Variants in CMSS1 observed in about 807,000 individuals in gnomAD.
CMSS1 encodes cms1 ribosomal small subunit homolog, also known as protein CMSS1.
A neutral mutation model predicts 43.5 loss-of-function variants in CMSS1; 33 were observed. That is an observed-to-expected ratio of 0.76 (90% CI 0.57 to 1.01). The LOEUF is 1.01. CMSS1 is among the 50% of genes least tolerant of loss of function. The pLI is 0.00. For synonymous variants in CMSS1, 115 were observed against 117.2 expected (o/e 0.98, Z 0.12); for missense variants, 313 against 326.4 (o/e 0.96, Z 0.32).
chr3:99,999,541 C>T (rs1269206156), intron 1 of CMSS1, among the ~76,000 whole-genome samples: 1 of 152,170 alleles, frequency 6.6e-6, no homozygotes, highest in Non-Finnish European at 1.5e-5. Flanking sequence ...TATCCTTACA[C>T]TGTATAAGCT....
intron 1 of CMSS1, among the ~76,000 whole-genome samples, chr3:99,825,418 G>GA (rs1241374516): frequency 6.6e-5 from 10 of 152,254 alleles, no homozygotes; most frequent in Non-Finnish European, 1.5e-5. Flanking sequence ...AGAGGAGGGA[G>GA]AAAAATGACT....
At chr3:99,921,848 C>G (rs1707133361) in intron 1 of CMSS1, among the ~76,000 whole-genome samples, 3 of 151,922 alleles carry the variant, frequency 2.0e-5, no homozygotes, top group Non-Finnish European at 4.4e-5. Flanking sequence ...TTTTCTTTTC[C>G]TCCAGCCCAT....
At chr3:100,159,438 A>C (rs1319130835) in intron 2 of CMSS1, among the ~76,000 whole-genome samples, 3 of 152,236 alleles carry the variant, frequency 2.0e-5, no homozygotes, top group Non-Finnish European at 4.4e-5. Flanking sequence ...GCAAGCTTTC[A>C]TAGAAAGATT....
At chr3:99,922,300 T>C (rs1239488869) in intron 1 of CMSS1, among the ~76,000 whole-genome samples, 1 of 152,240 alleles carries the variant, frequency 6.6e-6, no homozygotes, top group African/African-American at 2.4e-5. Context: ...TAACATTGTC[T>C]CATTGAATAA....
intron 1 of CMSS1, among the ~76,000 whole-genome samples, chr3:100,077,631 A>G (rs1395032712): frequency 1.3e-5 from 2 of 152,208 alleles, no homozygotes; most frequent in Non-Finnish European, 2.9e-5. Flanking sequence ...AGTAAAAATA[A>G]TAAGGAATTG....
At chr3:99,892,665 G>A (rs1027954877) in intron 1 of CMSS1, among the ~76,000 whole-genome samples, 1 of 152,054 alleles carries the variant, frequency 6.6e-6, no homozygotes, top group Non-Finnish European at 1.5e-5. Flanking sequence ...CATCTCTTCT[G>A]GTGTCTCTTT....
chr3:99,906,859 C>A (rs188022428), intron 1 of CMSS1, among the ~76,000 whole-genome samples: 88 of 152,324 alleles, frequency 5.8e-4, no homozygotes, highest in Admixed American at 1.9e-3. Context: ...TTTCCCCACC[C>A]ATGCCCTAAC....
At chr3:99,828,342 A>G (rs140174635) in intron 1 of CMSS1, among the ~76,000 whole-genome samples, 27 of 149,686 alleles carry the variant, frequency 1.8e-4, no homozygotes, top group African/African-American at 6.2e-4. Flanking sequence ...CTCATTCTCT[A>G]TTCACTCTAG....
chr3:99,951,744 A>G (rs1576596244), intron 1 of CMSS1, among the ~76,000 whole-genome samples: 1 of 152,220 alleles, frequency 6.6e-6, no homozygotes. Flanking sequence ...ATCATGGGTC[A>G]GCAAACTCTT....
At chr3:100,072,648 A>G (rs2065782485) in intron 1 of CMSS1, among the ~76,000 whole-genome samples, 1 of 152,186 alleles carries the variant, frequency 6.6e-6, no homozygotes, top group African/African-American at 2.4e-5. Flanking sequence ...CAATTAGGAA[A>G]TCTTTATTGC....
At chr3:100,071,506 A>T (rs1317640094) in intron 1 of CMSS1, among the ~76,000 whole-genome samples, 2 of 152,152 alleles carry the variant, frequency 1.3e-5, no homozygotes, top group African/African-American at 4.8e-5. Flanking sequence ...ACTAAAATTT[A>T]CATGGGAGAA....
chr3:100,150,810 A>C (rs754978852), intron 2 of CMSS1, among the ~76,000 whole-genome samples: 45 of 152,354 alleles, frequency 3.0e-4, no homozygotes, highest in Non-Finnish European at 5.1e-4. Flanking sequence ...CTTCAGCATC[A>C]GTCATTTCAG....
chr3:99,847,107 T>C (rs1274153884), intron 1 of CMSS1, among the ~76,000 whole-genome samples: 1 of 152,190 alleles, frequency 6.6e-6, no homozygotes, highest in Non-Finnish European at 1.5e-5. Context: ...ATTCACACTA[T>C]ATTACTTCTT....
intron 1 of CMSS1, among the ~76,000 whole-genome samples, chr3:99,890,937 A>G (rs1316947805): frequency 2.0e-5 from 3 of 152,146 alleles, no homozygotes; most frequent in African/African-American, 7.2e-5. Flanking sequence ...AGTTGAAGGT[A>G]GTTTCCTCTA....
intron 1 of CMSS1, among the ~76,000 whole-genome samples, chr3:99,880,013 C>G (rs888544035): frequency 1.3e-5 from 2 of 152,176 alleles, no homozygotes; most frequent in Non-Finnish European, 2.9e-5. Flanking sequence ...TCTTGCAAAG[C>G]AGCTTTGCCA....
chr3:100,077,539 C>T (rs1316218667), intron 1 of CMSS1, among the ~76,000 whole-genome samples: 1 of 152,150 alleles, frequency 6.6e-6, no homozygotes, highest in Non-Finnish European at 1.5e-5. Context: ...AGAAGAGTAA[C>T]ATTCCAGGTA....
chr3:100,009,526 A>C (rs985051137), intron 1 of CMSS1, among the ~76,000 whole-genome samples: 1 of 152,006 alleles, frequency 6.6e-6, no homozygotes. Flanking sequence ...CGTCACCTCC[A>C]CTACACTGAG....
chr3:99,824,948 A>G (rs992393584), intron 1 of CMSS1, among the ~76,000 whole-genome samples: 2 of 152,178 alleles, frequency 1.3e-5, no homozygotes, highest in Non-Finnish European at 2.9e-5. Flanking sequence ...TGCTTTATCC[A>G]TGGTGAATTC....
At chr3:100,066,629 TC>T (rs1015447181) in intron 1 of CMSS1, among the ~76,000 whole-genome samples, 4 of 98,538 alleles carry the variant, frequency 4.1e-5, no homozygotes, top group African/African-American at 1.4e-4. Flanking sequence ...CCTCCCGGGT[TC>T]ACGCCATTCT....
Sources: allele counts gnomAD v4.1 joint callset (sites outside exome capture counted in the v4.1 genomes callset), GRCh38; gene constraint gnomAD v4.1.1; transcripts MANE v1.5; gene names NCBI Gene and HGNC (gene_info 2026-07-23, HGNC 2026-07-21).